CADM1: variants seen among roughly 807,000 people sequenced by gnomAD.
CADM1 encodes the protein cell adhesion molecule 1.
A neutral mutation model predicts 53.1 loss-of-function variants in CADM1; 15 were observed. That is an observed-to-expected ratio of 0.28 (90% CI 0.19 to 0.44). The LOEUF is 0.44. Ranked by LOEUF, CADM1 falls within the 20% of genes least tolerant of loss-of-function variation. The probability of loss-of-function intolerance (pLI) is 1.00; values close to 1 mark genes in which losing one functional copy is unlikely to be tolerated. For missense variants in CADM1, 434 were observed against 611.3 expected, an observed-to-expected ratio of 0.71 and a Z score of 3.06; for synonymous variants, 281 against 243.0, an observed-to-expected ratio of 1.16 and a Z score of -1.45.
Position 115,467,351 on chromosome 11 carries a change from C to T in CADM1, c.124+36920G>A, listed in dbSNP as rs1284304639. Among the ~76,000 whole-genome samples, 4 of 152,146 alleles carry T rather than the reference C, an allele frequency of 2.6e-5. No individual in the cohort carries two copies. The East Asian group carries it at 7.7e-4, about 29-fold the overall frequency. Reference sequence around the variant, plus strand: ...ACTGGAATGAGCTCGAATACGCAAACCCAACTGATTGAAGATAGAAAGGCT... The same window carrying T: ...ACTGGAATGAGCTCGAATACGCAAATCCAACTGATTGAAGATAGAAAGGCT... On this transcript the variant is annotated intron_variant, in intron 1 of 11. Transcript: ENST00000331581.
chr11:115,331,402 G>A (rs1423712433), intron 1 of CADM1, among the ~76,000 whole-genome samples: 1 of 152,082 alleles, frequency 6.6e-6, no homozygotes, highest in African/African-American at 2.4e-5. Flanking sequence ...CATTCTGAAA[G>A]CCCTGCAGGC....
chr11:115,390,264 A>G (rs900337098), intron 1 of CADM1, among the ~76,000 whole-genome samples: 1 of 152,132 alleles, frequency 6.6e-6, no homozygotes, highest in Admixed American at 6.6e-5. Context: ...TCCTGCTCAG[A>G]GTATATGTTC....
At chr11:115,470,714 T>C (rs1169539030) in intron 1 of CADM1, among the ~76,000 whole-genome samples, 1 of 152,190 alleles carries the variant, frequency 6.6e-6, no homozygotes, top group Non-Finnish European at 1.5e-5. Flanking sequence ...TCTTTAAGTG[T>C]GCTGTCCTGG....
intron 1 of CADM1, among the ~76,000 whole-genome samples, chr11:115,289,318 T>C (rs1258554804): frequency 6.6e-6 from 1 of 151,782 alleles, no homozygotes; most frequent in Non-Finnish European, 1.5e-5. Context: ...TGAGCAGAGA[T>C]TGCACCACTG....
intron 1 of CADM1, among the ~76,000 whole-genome samples, chr11:115,374,370 G>C (rs1352337458): frequency 6.6e-6 from 1 of 152,070 alleles, no homozygotes; most frequent in African/African-American, 2.4e-5. Flanking sequence ...ACCTTTGAAG[G>C]GTGCTGAGAA....
chr11:115,432,731 C>T (rs959402150), intron 1 of CADM1, among the ~76,000 whole-genome samples: 2 of 152,164 alleles, frequency 1.3e-5, no homozygotes, highest in African/African-American at 4.8e-5. Context: ...ACGGGTATTA[C>T]ACATCCACCT....
chr11:115,423,789 G>A (rs1396683026), intron 1 of CADM1, among the ~76,000 whole-genome samples: 8 of 152,146 alleles, frequency 5.3e-5, no homozygotes, highest in South Asian at 4.2e-4. Flanking sequence ...TTCTCCAAGC[G>A]TGAAAAGAAA....
At chr11:115,347,445 C>T (rs1945610376) in intron 1 of CADM1, among the ~76,000 whole-genome samples, 1 of 152,158 alleles carries the variant, frequency 6.6e-6, no homozygotes, top group African/African-American at 2.4e-5. Context: ...GCATCACATA[C>T]AAGCTGCATC....
intron 1 of CADM1, among the ~76,000 whole-genome samples, chr11:115,368,110 C>CTTTTTTT (rs58589028): frequency 3.6e-4 from 22 of 61,876 alleles, no homozygotes; most frequent in Admixed American, 5.2e-4. Flanking sequence ...TCACTAGAGT[C>CTTTTTTT]TTTTTTTTTT....
intron 1 of CADM1, among the ~76,000 whole-genome samples, chr11:115,250,881 T>C (rs1008559115): frequency 8.5e-5 from 13 of 152,198 alleles, no homozygotes; most frequent in Non-Finnish European, 1.8e-4. Flanking sequence ...TAACTCTAGA[T>C]TGGGTGCTAT....
At chr11:115,503,561 G>C (rs1355812361) in intron 1 of CADM1, among the ~76,000 whole-genome samples, 3 of 151,418 alleles carry the variant, frequency 2.0e-5, no homozygotes, top group Non-Finnish European at 4.4e-5. Context: ...GACAGCGGCC[G>C]CCCCCCCCGC....
At chr11:115,378,451 T>C (rs1253961789) in intron 1 of CADM1, among the ~76,000 whole-genome samples, 2 of 152,132 alleles carry the variant, frequency 1.3e-5, no homozygotes, top group Non-Finnish European at 2.9e-5. Flanking sequence ...CCACATTTCC[T>C]GCACTATGGA....
At chr11:115,459,296 C>T (rs545835668) in intron 1 of CADM1, among the ~76,000 whole-genome samples, 1 of 152,262 alleles carries the variant, frequency 6.6e-6, no homozygotes, top group East Asian at 1.9e-4. Context: ...GTTCTCCCCA[C>T]CCAACAAAAG....
intron 1 of CADM1, among the ~76,000 whole-genome samples, chr11:115,344,864 G>A (rs1384712572): frequency 2.6e-5 from 4 of 152,014 alleles, no homozygotes; most frequent in African/African-American, 7.3e-5. Flanking sequence ...TCCCCATTAC[G>A]TGTCTACAGA....
intron 5 of CADM1, among the ~76,000 whole-genome samples, chr11:115,219,692 C>A (rs1028355573): frequency 6.6e-6 from 1 of 152,122 alleles, no homozygotes; most frequent in Non-Finnish European, 1.5e-5. Flanking sequence ...TGACCTTGAA[C>A]CAGCACTGGG....
At chr11:115,220,527 T>C (rs1463193610) in intron 5 of CADM1, among the ~76,000 whole-genome samples, 2 of 152,216 alleles carry the variant, frequency 1.3e-5, no homozygotes, top group African/African-American at 4.8e-5. Context: ...TACTTATGGC[T>C]ACAGCTGCCA....
intron 1 of CADM1, among the ~76,000 whole-genome samples, chr11:115,339,537 C>G (rs565752247): frequency 6.6e-6 from 1 of 152,236 alleles, no homozygotes; most frequent in African/African-American, 2.4e-5. Flanking sequence ...GTAATCATAA[C>G]TTCATGGAGC....
chr11:115,390,796 T>C (rs1458787811), intron 1 of CADM1, among the ~76,000 whole-genome samples: 1 of 152,156 alleles, frequency 6.6e-6, no homozygotes, highest in African/African-American at 2.4e-5. Flanking sequence ...GACCTTCACA[T>C]TTGTGAGCAT....
At chr11:115,316,337 T>C (rs576725058) in intron 1 of CADM1, among the ~76,000 whole-genome samples, 1 of 152,172 alleles carries the variant, frequency 6.6e-6, no homozygotes, top group Non-Finnish European at 1.5e-5. Context: ...GTAACTCAGT[T>C]GCAAAGGAGG....
Sources: allele counts gnomAD v4.1 joint callset (sites outside exome capture counted in the v4.1 genomes callset), GRCh38; gene constraint gnomAD v4.1.1; transcripts MANE v1.5; gene names NCBI Gene and HGNC (gene_info 2026-07-23, HGNC 2026-07-21).